Variants in DDR1 observed in about 807,000 individuals in gnomAD.
The protein encoded by DDR1 is discoidin domain receptor tyrosine kinase 1.
DDR1 carries 64 observed loss-of-function variants against 97.4 expected under a neutral mutation model. That is an observed-to-expected ratio of 0.66 (90% CI 0.54 to 0.81). The LOEUF (loss-of-function observed/expected upper bound fraction) is 0.81. Ranked by LOEUF, DDR1 falls within the 30% of genes least tolerant of loss-of-function variation. The probability of loss-of-function intolerance (pLI) is 0.00; values close to 1 mark genes in which losing one functional copy is unlikely to be tolerated. For synonymous variants in DDR1, 458 were observed against 503.7 expected, an observed-to-expected ratio of 0.91 and a Z score of 1.21; for missense variants, 990 against 1,259.6, an observed-to-expected ratio of 0.79 and a Z score of 3.24.
chr6:30,897,627 C>T lies in DDR1; in HGVS notation c.2216+30C>T, dbSNP rs1361467686. Reference sequence around the variant, plus strand: ...CTGCTTACCCAGGCTGGGCCTTGCTCAGAATTCCCCCAGGGGATCTCCTCC... The same window carrying T: ...CTGCTTACCCAGGCTGGGCCTTGCTTAGAATTCCCCCAGGGGATCTCCTCC... On this transcript the variant is annotated intron_variant, in intron 15 of 17. Transcript: ENST00000376568. The surrounding 1 kb of genome is among the most constrained non-coding windows in gnomAD (Gnocchi z 5.2). 1 of 1,563,316 alleles carries T rather than the reference C, an allele frequency of 6.4e-7. No homozygotes were observed. Among genetic ancestry groups the T allele is most frequent in the East Asian group, 2.3e-5 (1 of 44,238 alleles).
At position 30,891,127 on chromosome 6, in the gene DDR1, G is replaced by A. The variant is rs1787990788; in HGVS notation, c.565+7G>A. The A allele has an allele frequency of 6.2e-7, 1 of 1,612,664 alleles. No homozygotes were observed. Among genetic ancestry groups the A allele is most frequent in the Admixed American group, 1.7e-5 (1 of 59,982 alleles). On this transcript the variant is annotated splice_region_variant and intron_variant, in intron 5 of 17. Transcript: ENST00000376568. The surrounding 1 kb of genome is among the most constrained non-coding windows in gnomAD (Gnocchi z 5.3). ...TATGGCTGCCTCTGGAGGGGTGAGTGGCTCAGCTTCCTGGGAATCTGTTTC... is the reference window on the plus strand; with the variant it reads ...TATGGCTGCCTCTGGAGGGGTGAGTAGCTCAGCTTCCTGGGAATCTGTTTC...
At position 30,888,634 on chromosome 6, in the gene DDR1, G is replaced by A; in HGVS notation, c.-42-54G>A. On this transcript the variant is annotated intron_variant, in intron 1 of 17. Transcript: ENST00000376568. The surrounding 1 kb of genome is among the most constrained non-coding windows in gnomAD (Gnocchi z 4.2). ...CGGCCCATTCTGTCTGTTGCTGTCA[G>A]CTATGACTCAGTCCCCTGATTAACT... The A allele has an allele frequency of 6.4e-7, 1 of 1,553,784 alleles. No homozygotes were observed. Among genetic ancestry groups the A allele is most frequent in the Non-Finnish European group, 8.7e-7 (1 of 1,148,188 alleles).
At chr6:30,893,759 C>G (rs1275689226) in intron 10 of DDR1, among the ~76,000 whole-genome samples, 1 of 152,234 alleles carries the variant, frequency 6.6e-6, no homozygotes, top group African/African-American at 2.4e-5. Context: ...GCCCTGACCT[C>G]ACTTTCTGCC....
In DDR1 at chr6:30,897,312, T is replaced by C. The variant is rs370658415; in HGVS notation, c.1998-67T>C. 1 of 527,524 alleles carries C rather than the reference T, an allele frequency of 1.9e-6. No homozygotes were observed. 32.7% of individuals were successfully genotyped at this position (527,524 alleles called of 1,614,324 possible). On this transcript the variant is annotated intron_variant, in intron 14 of 17. Transcript: ENST00000376568. The surrounding 1 kb of genome is among the most constrained non-coding windows in gnomAD (Gnocchi z 5.2). ...GTCTGCCTGAGGTGGGGCAGGGGGGTGGGGGCGCGGGGGAAGGTGCAGGCC... is the reference window on the plus strand; with the variant it reads ...GTCTGCCTGAGGTGGGGCAGGGGGGCGGGGGCGCGGGGGAAGGTGCAGGCC...
chr6:30,893,563 A>T, intron 10 of DDR1, 140 bp downstream of exon 10: 1 of 1,437,010 alleles, frequency 7.0e-7, no homozygotes, highest in South Asian at 1.4e-5. Flanking sequence ...CACCATGTCA[A>T]AGAGGGTATG....
At position 30,893,254 on chromosome 6, in the gene DDR1, C is replaced by T. The variant is rs1422228525; in HGVS notation, c.1196-18C>T. On this transcript the variant is annotated intron_variant, in intron 9 of 17. Coordinates refer to ENST00000376568, the MANE Select transcript of DDR1 (RefSeq NM_001297654.2). The stretch of plus-strand genomic sequence containing the variant: ...GGGTGGGACCCTCCTGTGGTGCTGA[C>T]CCTGCTGCCTCCACCAGAGCTGGAG... The T allele has an allele frequency of 5.6e-6, 9 of 1,601,966 alleles. No homozygotes were observed. The highest frequency in any genetic ancestry group is 7.6e-6 in the Non-Finnish European group (9 of 1,178,566).
chr6:30,898,942 G>A lies in DDR1; in HGVS notation c.2506G>A (p.Val836Met), dbSNP rs991312762. 93 of 1,614,098 alleles carry A rather than the reference G, an allele frequency of 5.8e-5. No individual in the cohort carries two copies. The highest frequency in any genetic ancestry group is 7.7e-5 in the Non-Finnish European group (91 of 1,179,964). Reference sequence around the variant, plus strand: ...GGCCTTTGGTGTGACCCTGTGGGAGGTGCTGATGCTCTGTAGGGCCCAGCC... The same window carrying A: ...GGCCTTTGGTGTGACCCTGTGGGAGATGCTGATGCTCTGTAGGGCCCAGCC... The part of the protein sequence containing the change: ...VWAFGVTLWE[V>M]LMLCRAQPFG... Residue 836 changes from valine to methionine, a missense_variant, in exon 17 of 18, where the codon GTG (valine) becomes ATG (methionine). Physicochemically the swap from Val to Met is conservative, Grantham distance 21 (BLOSUM62 1). Coordinates refer to ENST00000376568, the MANE Select transcript of DDR1 (RefSeq NM_001297654.2).
In DDR1 at chr6:30,894,075, T is replaced by C. The variant is rs1006800542; in HGVS notation, c.1348-431T>C. Among the ~76,000 whole-genome samples, 1 of 150,824 alleles carries C rather than the reference T, an allele frequency of 6.6e-6. No homozygotes were observed. The highest frequency in any genetic ancestry group is 2.4e-5 in the African/African-American group (1 of 41,312). On this transcript the variant is annotated intron_variant, in intron 10 of 17. Coordinates refer to ENST00000376568, the MANE Select transcript of DDR1 (RefSeq NM_001297654.2). This position sits in a 1 kb window ranked among gnomAD's most constrained non-coding sequence, Gnocchi z 5.7. ...GACCAGCCTGACCAACATGGTGAAA[T>C]CCCATCTCTACTAAGAATACAAAAT...
rs193292212 is a variant in DDR1, at chr6:30,889,541, T to G, written c.417+111T>G. The G allele has an allele frequency of 1.3e-6, 1 of 771,094 alleles. No individual in the cohort carries two copies. The highest frequency in any genetic ancestry group is 2.0e-6 in the Non-Finnish European group (1 of 510,666). The allele number at this position is 771,094 out of a possible 1,614,324, so 47.8% of individuals were successfully genotyped here. On this transcript the variant is annotated intron_variant, in intron 4 of 17. Coordinates refer to ENST00000376568, the MANE Select transcript of DDR1 (RefSeq NM_001297654.2). The surrounding 1 kb of genome is among the most constrained non-coding windows in gnomAD (Gnocchi z 4.9). ...TCTCCAGTTTATATCATCTCCAGAC[T>G]AAGCCTCTCAGCTGAGCTCCAAACA...
chr6:30,898,740 G>A (rs2859451), intron 16 of DDR1, 148 bp from the exon 17 acceptor site: 1 of 819,782 alleles, frequency 1.2e-6, no homozygotes, highest in East Asian at 2.5e-5. Flanking sequence ...GGAAAAGGTG[G>A]CCAGCGGAGG....
chr6:30,884,676 C>G lies in DDR1; in HGVS notation c.-77C>G, dbSNP rs1040667041. 1.3e-5 allele frequency: 2 copies of G among 152,052 alleles called. No individual in the cohort carries two copies. Among genetic ancestry groups the G allele is most frequent in the East Asian group, 1.9e-4 (1 of 5,146 alleles). The allele number at this position is 152,052 out of a possible 1,614,324, so 9.4% of individuals were successfully genotyped here. On this transcript the variant is annotated 5_prime_UTR_variant, in exon 1 of 18. Coordinates refer to ENST00000376568, the MANE Select transcript of DDR1 (RefSeq NM_001297654.2). The surrounding 1 kb of genome is among the most constrained non-coding windows in gnomAD (Gnocchi z 6.1). The stretch of plus-strand genomic sequence containing the variant: ...CGCCGAAGAGGCCCCGCTCCCGGGT[C>G]GGACGCCTGGGTCTGCCGGGAAGAG...
rs547696832 is a variant in DDR1 at position 30,889,301 on chromosome 6, G to A, written c.288G>A (p.Leu96=). 7 of 1,612,952 alleles carry A rather than the reference G, an allele frequency of 4.3e-6. No individual in the cohort carries two copies. In the Admixed American group the frequency reaches 1.2e-4, roughly 27 times the overall value. ...AGGTGGATCTACAACGACTGCACCT[G>A]GTGGCTCTGGTGGGCACCCAGGGAC... is the stretch of plus-strand genomic sequence containing the variant. ...YLQVDLQRLH[L]VALVGTQGRH... is the part of the protein sequence containing the mutation. Residue 96 remains leucine, a synonymous_variant, in exon 4 of 18, where the codon CTG becomes CTA. Coordinates refer to ENST00000376568, the MANE Select transcript of DDR1 (RefSeq NM_001297654.2). The surrounding 1 kb of genome is among the most constrained non-coding windows in gnomAD (Gnocchi z 4.9).
rs1789783008 is a variant in DDR1, at chr6:30,894,202, A to G, written c.1348-304A>G. Among the ~76,000 whole-genome samples the G allele has an allele frequency of 6.6e-6, 1 of 152,086 alleles. No individual in the cohort carries two copies. The highest frequency in any genetic ancestry group is 1.5e-5 in the Non-Finnish European group (1 of 68,000). On this transcript the variant is annotated intron_variant, in intron 10 of 17. Coordinates refer to ENST00000376568, the MANE Select transcript of DDR1 (RefSeq NM_001297654.2). This position sits in a 1 kb window ranked among gnomAD's most constrained non-coding sequence, Gnocchi z 5.7. ...GCGAAGGTTGCAGTGAGCTGAGATC[A>G]TGCCATTTCACTTCAGCCTGGGCGA...
chr6:30,889,509 T>A lies in DDR1; in HGVS notation c.417+79T>A. 9.6e-7 allele frequency: 1 copy of A among 1,042,140 alleles called. No individual in the cohort carries two copies. Among genetic ancestry groups the A allele is most frequent in the Non-Finnish European group, 1.3e-6 (1 of 743,328 alleles). The allele number at this position is 1,042,140 out of a possible 1,614,324, so 64.6% of individuals were successfully genotyped here. A position where few individuals can be genotyped will look rare whatever the true frequency, so the allele number is the denominator to read the frequency against. ...TGTACTTTAAACACCACCTATACGC[T>A]GACGACTCTCCAGTTTATATCATCT... On this transcript the variant is annotated intron_variant, in intron 4 of 17. Transcript: ENST00000376568. The surrounding 1 kb of genome is among the most constrained non-coding windows in gnomAD (Gnocchi z 4.9).
In DDR1 at chr6:30,891,406, G is replaced by C. The variant is rs567397063; in HGVS notation, c.592G>C (p.Val198Leu). The C allele has an allele frequency of 3.1e-6, 5 of 1,612,738 alleles. No individual in the cohort carries two copies. The African/African-American group carries it at 6.7e-5, about 22-fold the overall frequency. The change falls in exon 6 of 18, where the codon GTG (valine) becomes CTG (leucine). Residue 198 changes from valine to leucine, a missense_variant. Val to Leu is a conservative substitution (Grantham distance 32). Coordinates refer to ENST00000376568, the MANE Select transcript of DDR1 (RefSeq NM_001297654.2). This position sits in a 1 kb window ranked among gnomAD's most constrained non-coding sequence, Gnocchi z 5.3. Reference protein sequence around the residue: ...RDGLLSYTAPVGQTMYLSEAV... With the variant: ...RDGLLSYTAPLGQTMYLSEAV... The stretch of plus-strand genomic sequence containing the variant: ...TGGACTCCTGTCTTACACCGCCCCT[G>C]TGGGGCAGACAATGTATTTATCTGA...
At chr6:30,895,361 T>A in intron 11 of DDR1, 43 bp from the exon 12 acceptor site, 1 of 1,481,770 alleles carries the variant, frequency 6.7e-7, no homozygotes, top group Non-Finnish European at 9.3e-7. Context: ...TAGCCTTGAG[T>A]CTCATCCCTT....
rs768350240 is a variant in DDR1, at chr6:30,896,603, T to C, written c.1625-18T>C. 3.1e-6 allele frequency: 5 copies of C among 1,607,480 alleles called. No homozygotes were observed. The East Asian group carries it at 1.1e-4, about 36-fold the overall frequency. On this transcript the variant is annotated intron_variant, in intron 12 of 17. Transcript: ENST00000376568. Reference sequence around the variant, plus strand: ...TTCCTGATGCCTCGTCCTGTCTTCTTTCCCCTCACCCCTGCAGCCTACAGT... The same window carrying C: ...TTCCTGATGCCTCGTCCTGTCTTCTCTCCCCTCACCCCTGCAGCCTACAGT...
At chr6:30,887,550 GTTGC>G (rs889907078) in intron 1 of DDR1, among the ~76,000 whole-genome samples, 1 of 152,018 alleles carries the variant, frequency 6.6e-6, no homozygotes, top group African/African-American at 2.4e-5. Flanking sequence ...TTATACTTCT[GTTGC>G]TTGCTTTTCA....
At chr6:30,898,026 A>T in intron 15 of DDR1, 47 bp from the exon 16 acceptor site, 1 of 1,462,242 alleles carries the variant, frequency 6.8e-7, no homozygotes, top group South Asian at 1.2e-5. Flanking sequence ...CCTGGATGGG[A>T]ATCTGCGAAG....
Sources: gnomAD v4.1 joint callset for allele counts (sites outside exome capture counted in the v4.1 genomes callset) on GRCh38, gnomAD v4.1.1 for gene constraint, Gnocchi (gnomAD v3.1) non-coding constraint, MANE v1.5 for transcripts, NCBI Gene and HGNC (gene_info 2026-07-23, HGNC 2026-07-21) for gene names.